RIMKLA: variants seen among roughly 807,000 people sequenced by gnomAD.
RIMKLA encodes ribosomal modification protein rimK like family member A.
Under a neutral mutation model 32.7 loss-of-function variants are expected in RIMKLA, and 14 were observed. That is an observed-to-expected ratio of 0.43 (90% CI 0.28 to 0.67). The LOEUF (loss-of-function observed/expected upper bound fraction) is 0.67, where lower values mean the gene tolerates loss of function less well. Ranked by LOEUF, RIMKLA falls within the 30% of genes least tolerant of loss-of-function variation. The pLI, the probability that RIMKLA is intolerant of heterozygous loss-of-function variation, is 0.18. For synonymous variants in RIMKLA, 176 were observed against 204.1 expected, an observed-to-expected ratio of 0.86 and a Z score of 1.18; for missense variants, 410 against 519.0, an observed-to-expected ratio of 0.79 and a Z score of 2.04.
chr1:42,405,520 C>A (rs1430369235), intron 3 of RIMKLA, among the ~76,000 whole-genome samples: 1 of 152,142 alleles, frequency 6.6e-6, no homozygotes, highest in African/African-American at 2.4e-5. Flanking sequence ...TTAAACACTC[C>A]AGGCATCTGG....
At chr1:42,412,564 G>T in intron 4 of RIMKLA, 1 of 492,928 alleles carries the variant, frequency 2.0e-6, no homozygotes, top group Admixed American at 2.1e-5. Context: ...TTGCACATCA[G>T]ACTGGGGCTG....
chr1:42,385,676 G>T (rs1570313439), intron 1 of RIMKLA, among the ~76,000 whole-genome samples: 1 of 151,854 alleles, frequency 6.6e-6, no homozygotes. Flanking sequence ...ATCCTTCATG[G>T]ATCTCAAAGC....
Position 42,385,808 on chromosome 1 carries a change from T to TTTCCTTCCTTCC in RIMKLA, c.163+4722_163+4733dup, listed in dbSNP as rs1275160381. ...GTTTGTTTCTTTCTTTCTCTCTCTCTTTCCTTCCTTCCTTCCTTCCTTTCT... is the reference window on the plus strand; with the variant it reads ...GTTTGTTTCTTTCTTTCTCTCTCTCTTTCCTTCCTTCCTTCCTTCCTTCCTTCCTTCCTTTCT... On this transcript the variant is annotated intron_variant, in intron 1 of 4. Coordinates refer to ENST00000431473, the MANE Select transcript of RIMKLA (RefSeq NM_173642.4). 3.1e-3 allele frequency among the ~76,000 whole-genome samples: 232 copies of TTTCCTTCCTTCC among 75,962 alleles called. 30 individuals are homozygous for TTTCCTTCCTTCC. Among genetic ancestry groups the TTTCCTTCCTTCC allele is most frequent in the African/African-American group, 9.7e-3 (225 of 23,086 alleles). The allele number at this position is 75,962 out of a possible 152,430, so 49.8% of individuals were successfully genotyped here.
At chr1:42,407,647 T>C (rs1196756984) in intron 3 of RIMKLA, among the ~76,000 whole-genome samples, 1 of 152,210 alleles carries the variant, frequency 6.6e-6, no homozygotes, top group Admixed American at 6.5e-5. Context: ...GCGTGAAGGT[T>C]GATTTCTGGG....
rs948171395 is a variant in RIMKLA, at chr1:42,417,009, CAG to C, written c.*2036_*2037del. On this transcript the variant is annotated 3_prime_UTR_variant, in exon 5 of 5. Coordinates refer to ENST00000431473, the MANE Select transcript of RIMKLA (RefSeq NM_173642.4). ...AGATATGTACCTTATCTTTACCACT[CAG>C]GGTGGCTTTAAAAGACGGACAGCTT... 5 of 152,228 alleles carry C rather than the reference CAG, an allele frequency of 3.3e-5. No homozygotes were observed. Among genetic ancestry groups the C allele is most frequent in the Non-Finnish European group, 5.9e-5 (4 of 68,048 alleles). 9.4% of individuals were successfully genotyped at this position (152,228 alleles called of 1,614,324 possible). A position where few individuals can be genotyped will look rare whatever the true frequency, so the allele number is the denominator to read the frequency against.
chr1:42,382,382 C>T (rs947061905), intron 1 of RIMKLA, among the ~76,000 whole-genome samples: 2 of 152,192 alleles, frequency 1.3e-5, no homozygotes, highest in Non-Finnish European at 2.9e-5. Flanking sequence ...TACAGCTTTA[C>T]AGTTAACAAG....
rs1445807996 is a variant in RIMKLA, at chr1:42,416,258, G to A, written c.*1284G>A. 1.3e-5 allele frequency: 2 copies of A among 152,016 alleles called. No individual in the cohort carries two copies. Among genetic ancestry groups the A allele is most frequent in the African/African-American group, 4.8e-5 (2 of 41,374 alleles). 9.4% of individuals were successfully genotyped at this position (152,016 alleles called of 1,614,324 possible). On this transcript the variant is annotated 3_prime_UTR_variant, in exon 5 of 5. Transcript: ENST00000431473. Reference sequence around the variant, plus strand: ...GCCACCTTTTTAACCAAATACACTAGAACATATGCACTCAAGAGTTAGCAT... The same window carrying A: ...GCCACCTTTTTAACCAAATACACTAAAACATATGCACTCAAGAGTTAGCAT...
chr1:42,405,543 T>C (rs1185914062), intron 3 of RIMKLA, among the ~76,000 whole-genome samples: 1 of 152,098 alleles, frequency 6.6e-6, no homozygotes, highest in East Asian at 1.9e-4. Context: ...TGAGGGAAGG[T>C]CACCCTAAAT....
rs1643244028 is a variant in RIMKLA, at chr1:42,416,073, C to CA, written c.*1100dup. ...GAAGACTCAGGTATCAGGAATTACC[C>CA]ATTGCACATTTTGCGGGGGGGGGGG... On this transcript the variant is annotated 3_prime_UTR_variant, in exon 5 of 5. Coordinates refer to ENST00000431473, the MANE Select transcript of RIMKLA (RefSeq NM_173642.4). 1 of 110,798 alleles carries CA rather than the reference C, an allele frequency of 9.0e-6. No homozygotes were observed. The highest frequency in any genetic ancestry group is 1.9e-5 in the Non-Finnish European group (1 of 52,314). 6.9% of individuals were successfully genotyped at this position (110,798 alleles called of 1,614,324 possible). A position where few individuals can be genotyped will look rare whatever the true frequency, so the allele number is the denominator to read the frequency against.
chr1:42,404,435 A>G (rs1643126865), intron 2 of RIMKLA, 76 bp from the exon 3 acceptor site: 1 of 947,556 alleles, frequency 1.1e-6, no homozygotes, highest in Non-Finnish European at 1.7e-6. Flanking sequence ...AAGAATTCCT[A>G]CAGAGGGGCG....
Position 42,410,199 on chromosome 1 carries a change from A to G in RIMKLA, c.685+12A>G, listed in dbSNP as rs776529433. 6.2e-7 allele frequency: 1 copy of G among 1,612,544 alleles called. No homozygotes were observed. Among genetic ancestry groups the G allele is most frequent in the South Asian group, 1.1e-5 (1 of 91,034 alleles). The stretch of plus-strand genomic sequence containing the variant: ...CAACTGCTCTCTCGGTAAGGTATAA[A>G]AGCACAGGGTTTTATTAGGGTATTT... On this transcript the variant is annotated intron_variant, in intron 4 of 4. Transcript: ENST00000431473.
chr1:42,399,694 A>T (rs1643080613), intron 2 of RIMKLA, 60 bp downstream of exon 2: 3 of 1,022,124 alleles, frequency 2.9e-6, no homozygotes, highest in African/African-American at 1.6e-5. Flanking sequence ...TTCCTTAGAA[A>T]CCTTCTAGTA....
At chr1:42,411,917 G>A (rs1343836124) in intron 4 of RIMKLA, among the ~76,000 whole-genome samples, 4 of 152,076 alleles carry the variant, frequency 2.6e-5, no homozygotes, top group South Asian at 2.1e-4. Context: ...TGATCTGCCC[G>A]CCTCGGCCTC....
At position 42,424,184 on chromosome 1, in the gene RIMKLA, G is replaced by T. The variant is rs1382323711; in HGVS notation, c.*9210G>T. Reference sequence around the variant, plus strand: ...TGTTCTAATAAGAATACGTAAGAATGTGTCCTTGTTTTTAGAAAATACACA... The same window carrying T: ...TGTTCTAATAAGAATACGTAAGAATTTGTCCTTGTTTTTAGAAAATACACA... On this transcript the variant is annotated 3_prime_UTR_variant, in exon 5 of 5. Transcript: ENST00000431473. Among the ~76,000 whole-genome samples the T allele has an allele frequency of 6.6e-6, 1 of 152,198 alleles. No homozygotes were observed. Among genetic ancestry groups the T allele is most frequent in the Non-Finnish European group, 1.5e-5 (1 of 68,038 alleles).
At chr1:42,409,910 C>A in intron 3 of RIMKLA, 74 bp from the exon 4 acceptor site, 1 of 1,155,966 alleles carries the variant, frequency 8.7e-7, no homozygotes, top group Middle Eastern at 2.6e-4. Flanking sequence ...ACTTTATGGA[C>A]AAGGAGGCCA....
At chr1:42,409,471 C>T (rs1643179071) in intron 3 of RIMKLA, among the ~76,000 whole-genome samples, 1 of 152,196 alleles carries the variant, frequency 6.6e-6, no homozygotes, top group South Asian at 2.1e-4. Context: ...TCACTCTGTG[C>T]TACCTTTTTT....
At chr1:42,407,800 T>C (rs927888099) in intron 3 of RIMKLA, among the ~76,000 whole-genome samples, 2 of 152,240 alleles carry the variant, frequency 1.3e-5, no homozygotes, top group African/African-American at 4.8e-5. Flanking sequence ...TTCCTAGGGC[T>C]AGCATGAAGT....
Position 42,415,391 on chromosome 1 carries a change from C to T in RIMKLA, c.*417C>T, listed in dbSNP as rs1202437604. ...TGTGACTGCAGTAATAGGTTCTTCACTAAGTGTGTGTGTGATGCTTGGAAA... is the reference window on the plus strand; with the variant it reads ...TGTGACTGCAGTAATAGGTTCTTCATTAAGTGTGTGTGTGATGCTTGGAAA... On this transcript the variant is annotated 3_prime_UTR_variant, in exon 5 of 5. Coordinates refer to ENST00000431473, the MANE Select transcript of RIMKLA (RefSeq NM_173642.4). 2 of 185,028 alleles carry T rather than the reference C, an allele frequency of 1.1e-5. No individual in the cohort carries two copies. Among genetic ancestry groups the T allele is most frequent in the African/African-American group, 2.4e-5 (1 of 42,178 alleles). 11.5% of individuals were successfully genotyped at this position (185,028 alleles called of 1,614,324 possible). A position where few individuals can be genotyped will look rare whatever the true frequency, so the allele number is the denominator to read the frequency against.
intron 4 of RIMKLA, among the ~76,000 whole-genome samples, chr1:42,413,707 C>A (rs755600065): frequency 2.6e-5 from 4 of 151,386 alleles, no homozygotes; most frequent in African/African-American, 4.9e-5. Flanking sequence ...CCCCTGTTTT[C>A]CCATGTAATT....
Sources: gnomAD v4.1 joint callset for allele counts (sites outside exome capture counted in the v4.1 genomes callset) on GRCh38, gnomAD v4.1.1 for gene constraint, MANE v1.5 for transcripts, NCBI Gene and HGNC (gene_info 2026-07-23, HGNC 2026-07-21) for gene names.